DNAH1: variants seen among roughly 807,000 people sequenced by gnomAD.
The protein encoded by DNAH1 is dynein axonemal heavy chain 1.
A neutral mutation model predicts 484.3 loss-of-function variants in DNAH1; 327 were observed. That is an observed-to-expected ratio of 0.68 (90% CI 0.62 to 0.74). DNAH1 has a LOEUF of 0.74. DNAH1 is among the 30% of genes least tolerant of loss of function. DNAH1 has a pLI of 0.00. For synonymous variants in DNAH1, 2,192 were observed against 2,191.9 expected (o/e 1.00, Z 0.00); for missense variants, 5,052 against 5,546.8 (o/e 0.91, Z 2.83).
chr3:52,332,582 T>C (rs981769594), intron 8 of DNAH1, among the ~76,000 whole-genome samples, 188 bp downstream of exon 8: 4 of 152,210 alleles, frequency 2.6e-5, no homozygotes, highest in African/African-American at 9.7e-5. Context: ...TCCCTCATTA[T>C]CCATATGGAC....
chr3:52,394,630 C>T lies in DNAH1; in HGVS notation c.10792C>T (p.Arg3598Trp), dbSNP rs1281836678. 9 of 1,589,316 alleles carry T rather than the reference C, an allele frequency of 5.7e-6. No individual in the cohort carries two copies. Among genetic ancestry groups the T allele is most frequent in the East Asian group, 2.2e-5 (1 of 44,646 alleles). The change falls in exon 67 of 78, where the codon CGG becomes TGG. Residue 3598 changes from arginine to tryptophan, a missense_variant. Physicochemically the swap from Arg to Trp is moderately radical, Grantham distance 101. Around this residue, in one of 4 missense-constraint regions of DNAH1, gnomAD observed 853 missense variants for 899.0 expected, o/e 0.95. Transcript: ENST00000420323. The part of the protein sequence containing the change: ...SDFVKHLSEF[R>W]VIFDSLEPHR... ...CTTCGTGAAGCACCTCTCAGAATTC[C>T]GGGTCATCTTCGACAGCCTTGAGCC... is the stretch of plus-strand genomic sequence containing the variant.
intron 44 of DNAH1, chr3:52,374,873 A>G: frequency 9.2e-7 from 1 of 1,086,996 alleles, no homozygotes; most frequent in Non-Finnish European, 1.4e-6. Flanking sequence ...ATCTAGCCAA[A>G]GCCAATCCCC....
rs1261180596 is a variant in DNAH1, at chr3:52,368,124, G to A, written c.5766-617G>A. Among the ~76,000 whole-genome samples the A allele has an allele frequency of 5.3e-5, 8 of 152,214 alleles. No individual in the cohort carries two copies. The highest frequency in any genetic ancestry group is 1.7e-4 in the African/African-American group (7 of 41,454). ...ATTCCAACTGAAGACAGGCCTCAGC[G>A]TAACCAGACATTGCCTGGGGGTGGT... On this transcript the variant is annotated intron_variant, in intron 36 of 77. Coordinates refer to ENST00000420323, the MANE Select transcript of DNAH1 (RefSeq NM_015512.5). The surrounding 1 kb of genome is among the most constrained non-coding windows in gnomAD (Gnocchi z 4.4).
intron 8 of DNAH1, among the ~76,000 whole-genome samples, chr3:52,340,681 C>T (rs1365687156): frequency 1.3e-5 from 2 of 152,046 alleles, no homozygotes; most frequent in Non-Finnish European, 2.9e-5. Context: ...GTGATCCACC[C>T]ACCTCGGCCT....
Position 52,399,743 on chromosome 3 carries a change from T to G in DNAH1, c.12640T>G (p.Tyr4214Asp). 1 of 1,614,010 alleles carries G rather than the reference T, an allele frequency of 6.2e-7. No homozygotes were observed. Among genetic ancestry groups the G allele is most frequent in the East Asian group, 2.2e-5 (1 of 44,880 alleles). The change falls in exon 77 of 78, where the codon TAC becomes GAC. Residue 4214 changes from tyrosine (Y) to aspartate (D), a missense_variant. This residue lies in a region of DNAH1 where 853 missense variants were observed against 899.0 expected (regional missense o/e 0.95). Coordinates refer to ENST00000420323, the MANE Select transcript of DNAH1 (RefSeq NM_015512.5). ...CCGCAAGGCCCAGGACCAGGACTTT[T>G]ACCTGTGCCCCATCTACAAGACACT... is the stretch of plus-strand genomic sequence containing the variant. ...PNRKAQDQDFYLCPIYKTLTR... is the reference protein window; with the variant it reads ...PNRKAQDQDFDLCPIYKTLTR...
chr3:52,356,376 T>C (rs913228857), intron 21 of DNAH1, among the ~76,000 whole-genome samples: 11 of 152,194 alleles, frequency 7.2e-5, no homozygotes, highest in Non-Finnish European at 1.5e-4. Context: ...TTTGGAGGCT[T>C]GGGCGTCCTG....
Position 52,362,868 on chromosome 3 carries a change from A to AG in DNAH1, c.5095-126dup, listed in dbSNP as rs1222750764. 7.5e-7 allele frequency: 1 copy of AG among 1,338,624 alleles called. No homozygotes were observed. Among genetic ancestry groups the AG allele is most frequent in the East Asian group, 2.3e-5 (1 of 43,288 alleles). 82.9% of individuals were successfully genotyped at this position (1,338,624 alleles called of 1,614,324 possible). ...GAGCTACCAGTCTCAGGGGAGTGAA[A>AG]GCCTCAGCTGTGGCAGGCTTGGTGC... is the stretch of plus-strand genomic sequence containing the variant. On this transcript the variant is annotated intron_variant, in intron 31 of 77. Transcript: ENST00000420323. This position sits in a 1 kb window ranked among gnomAD's most constrained non-coding sequence, Gnocchi z 5.1.
chr3:52,395,057 C>T lies in DNAH1; in HGVS notation c.10966C>T (p.Gln3656Ter), dbSNP rs932709908. Reference protein sequence around the residue: ...TNLEPRFIEPQTANLSVVFKD... With the variant: ...TNLEPRFIEP ...CCTGGAGCCACGCTTCATTGAACCC[C>T]AGGCAAGTGCTGGAACCCTGGCAGG... The change falls in exon 68 of 78, where the codon CAG (glutamine) becomes TAG (stop). Residue 3656 changes from glutamine to a stop codon, truncating the protein, a stop_gained and splice_region_variant. Transcript: ENST00000420323. LOFTEE classifies it high-confidence loss of function. The surrounding 1 kb of genome is among the most constrained non-coding windows in gnomAD (Gnocchi z 4.4). The T allele has an allele frequency of 1.9e-6, 3 of 1,607,414 alleles. No individual in the cohort carries two copies. In the South Asian group the frequency reaches 3.3e-5, roughly 18 times the overall value.
intron 8 of DNAH1, among the ~76,000 whole-genome samples, chr3:52,336,032 T>C (rs1701732505): frequency 6.6e-6 from 1 of 152,174 alleles, no homozygotes; most frequent in Admixed American, 6.5e-5. Flanking sequence ...GTCAGATGCA[T>C]AGTTTGTGAA....
At chr3:52,346,812 A>T in intron 11 of DNAH1, 42 bp downstream of exon 11, 1 of 1,563,512 alleles carries the variant, frequency 6.4e-7, no homozygotes, top group Non-Finnish European at 8.7e-7. Context: ...ACACCAGGTG[A>T]TGTGTCACCT....
At position 52,392,485 on chromosome 3, in the gene DNAH1, G is replaced by C; in HGVS notation, c.10074G>C (p.Leu3358=). 2.5e-6 allele frequency: 4 copies of C among 1,613,732 alleles called. No homozygotes were observed. The South Asian group carries it at 4.4e-5, about 18-fold the overall frequency. Residue 3358 remains leucine (L), a synonymous_variant, in exon 64 of 78, where the codon CTG becomes CTC. Transcript: ENST00000420323. ...LSPSGLEDQL[L]GQVVAEERPD... The stretch of plus-strand genomic sequence containing the variant: ...GCAGTGGCCTAGAGGACCAGCTACT[G>C]GGCCAGGTAGTGGCAGAGGAGCGAC...
At chr3:52,373,751 G>A (rs1358502734) in intron 44 of DNAH1, 5 of 1,402,174 alleles carry the variant, frequency 3.6e-6, no homozygotes, top group African/African-American at 2.8e-5. Context: ...GTGAACTAAA[G>A]TAGAAGGAAT....
At position 52,375,368 on chromosome 3, in the gene DNAH1, G is replaced by T. The variant is rs751158567; in HGVS notation, c.7114G>T (p.Val2372Phe). ...NYLSFAEMDE[V>F]SKKRIFSTIL... ...CCTGTCTTTCGCTGAGATGGACGAG[G>T]TCAGCAAGAAACGCATCTTCTCCAC... The change falls in exon 45 of 78, where the codon GTC becomes TTC. Residue 2372 changes from valine (V) to phenylalanine (F), a missense_variant. Physicochemically the swap from Val to Phe is conservative, Grantham distance 50. Around this residue, in one of 4 missense-constraint regions of DNAH1, gnomAD observed 2,929 missense variants for 3,409.4 expected, o/e 0.86. Transcript: ENST00000420323. 67 of 1,613,604 alleles carry T rather than the reference G, an allele frequency of 4.2e-5. No individual in the cohort carries two copies. Among genetic ancestry groups the T allele is most frequent in the Non-Finnish European group, 5.7e-5 (67 of 1,179,802 alleles).
chr3:52,385,034 C>T, intron 53 of DNAH1, 57 bp downstream of exon 53: 1 of 1,551,964 alleles, frequency 6.4e-7, no homozygotes, highest in Non-Finnish European at 8.7e-7. Flanking sequence ...TGCCTGCTCA[C>T]TCAGCCCTGA....
At chr3:52,375,456 A>G (rs1239151243) in intron 45 of DNAH1, 43 bp downstream of exon 45, 1 of 1,582,258 alleles carries the variant, frequency 6.3e-7, no homozygotes, top group South Asian at 1.1e-5. Context: ...GCAGAAGCCC[A>G]GGCCAGGGAG....
rs1704572149 is a variant in DNAH1, at chr3:52,395,333, A to G, written c.10994A>G (p.Lys3665Arg). The change falls in exon 69 of 78, where the codon AAA becomes AGA. Residue 3665 changes from lysine to arginine, a missense_variant. Transcript: ENST00000420323. This position sits in a 1 kb window ranked among gnomAD's most constrained non-coding sequence, Gnocchi z 4.4. ...PQTANLSVVF[K>R]DSNSTTPLIF... is the part of the protein sequence containing the mutation. ...ACAGCCAATCTGTCAGTGGTGTTCAAAGACTCCAACTCCACCACACCCCTC... is the reference window on the plus strand; with the variant it reads ...ACAGCCAATCTGTCAGTGGTGTTCAGAGACTCCAACTCCACCACACCCCTC... 2 of 1,613,500 alleles carry G rather than the reference A, an allele frequency of 1.2e-6. No individual in the cohort carries two copies. Among genetic ancestry groups the G allele is most frequent in the South Asian group, 2.2e-5 (2 of 91,046 alleles).
rs543609151 is a variant in DNAH1 at position 52,395,553 on chromosome 3, C to T, written c.11134C>T (p.Arg3712Trp). ...AGTGCTCTTGCCCCTGCAGGGCCCT[C>T]GGGCAGAAGCCATGATGCGCAGCTC... ...AISLGQGQGPRAEAMMRSSIE... is the reference protein window; with the variant it reads ...AISLGQGQGPWAEAMMRSSIE... Residue 3712 changes from arginine to tryptophan, a missense_variant, in exon 70 of 78, where the codon CGG (arginine) becomes TGG (tryptophan). This residue lies in a region of DNAH1 where 853 missense variants were observed against 899.0 expected (regional missense o/e 0.95). Coordinates refer to ENST00000420323, the MANE Select transcript of DNAH1 (RefSeq NM_015512.5). This position sits in a 1 kb window ranked among gnomAD's most constrained non-coding sequence, Gnocchi z 4.4. The T allele has an allele frequency of 5.6e-5, 91 of 1,613,584 alleles. 2 individuals are homozygous for T. In the East Asian group the frequency reaches 1.4e-3, roughly 25 times the overall value.
intron 45 of DNAH1, 41 bp from the exon 46 acceptor site, chr3:52,375,914 C>T (rs774496721): frequency 1.2e-6 from 2 of 1,608,372 alleles, no homozygotes; most frequent in Admixed American, 1.7e-5. Flanking sequence ...GCAAGAGGTC[C>T]ACCTAACCCT....
At position 52,393,323 on chromosome 3, in the gene DNAH1, C is replaced by G. The variant is rs748927162; in HGVS notation, c.10475-11C>G. 3.1e-6 allele frequency: 5 copies of G among 1,613,768 alleles called. No individual in the cohort carries two copies. Among genetic ancestry groups the G allele is most frequent in the Non-Finnish European group, 4.2e-6 (5 of 1,179,688 alleles). ...ACCTCTCCGCGCTGCCATCACTTCT[C>G]CACTCCACAGACAACCTGAAGAAGC... On this transcript the variant is annotated splice_polypyrimidine_tract_variant and intron_variant, in intron 65 of 77. Coordinates refer to ENST00000420323, the MANE Select transcript of DNAH1 (RefSeq NM_015512.5).
Sources: gnomAD v4.1 joint callset for allele counts (sites outside exome capture counted in the v4.1 genomes callset) on GRCh38, gnomAD v4.1.1 for gene constraint, gnomAD v4.1.1 regional missense constraint, Gnocchi (gnomAD v3.1) non-coding constraint, MANE v1.5 for transcripts, NCBI Gene and HGNC (gene_info 2026-07-23, HGNC 2026-07-21) for gene names.